The following KAZN variants were observed in gnomAD, a reference collection of about 807,000 sequenced individuals.
KAZN encodes the protein kazrin.
In KAZN, 40 loss-of-function variants were observed where a neutral mutation model predicts 87.4. The observed-to-expected ratio is 0.46, with a 90% CI of 0.36 to 0.60. The LOEUF (loss-of-function observed/expected upper bound fraction) is 0.60, where lower values mean the gene tolerates loss of function less well. Ranked by LOEUF, KAZN falls within the 20% of genes least tolerant of loss-of-function variation. The pLI, the probability that KAZN is intolerant of heterozygous loss-of-function variation, is 0.00. For synonymous variants in KAZN, 466 were observed against 458.3 expected, an observed-to-expected ratio of 1.02 and a Z score of -0.22; for missense variants, 898 against 1,073.9, an observed-to-expected ratio of 0.84 and a Z score of 2.29.
chr1:13,975,273 G>C (rs1638275946), intron 1 of KAZN, among the ~76,000 whole-genome samples: 1 of 152,192 alleles, frequency 6.6e-6, no homozygotes, highest in Non-Finnish European at 1.5e-5. Context: ...GGAGGCCTTT[G>C]ATTGTGAGGC....
intron 1 of KAZN, among the ~76,000 whole-genome samples, chr1:14,607,409 C>T (rs868424245): frequency 6.6e-6 from 1 of 152,198 alleles, no homozygotes; most frequent in African/African-American, 2.4e-5. Flanking sequence ...CCAGAGACTG[C>T]CTGGCGTCTC....
chr1:14,723,493 C>T (rs1024475098), intron 1 of KAZN, among the ~76,000 whole-genome samples: 3 of 152,136 alleles, frequency 2.0e-5, no homozygotes, highest in African/African-American at 7.2e-5. Context: ...GAGTTTAACA[C>T]GAGGGAGCAG....
intron 1 of KAZN, among the ~76,000 whole-genome samples, chr1:14,012,984 C>A (rs1640387366): frequency 6.6e-6 from 1 of 152,210 alleles, no homozygotes; most frequent in Non-Finnish European, 1.5e-5. Context: ...CTGATAGAGA[C>A]CAGCATCCCT....
chr1:14,257,959 T>TAAA (rs1168366132), intron 2 of KAZN, among the ~76,000 whole-genome samples: 2 of 28,736 alleles, frequency 7.0e-5, no homozygotes, highest in East Asian at 6.4e-4. Context: ...AAAAAAACAT[T>TAAA]AAAAAAAAAA....
At chr1:14,671,496 G>T (rs1254681096) in intron 1 of KAZN, among the ~76,000 whole-genome samples, 3 of 152,126 alleles carry the variant, frequency 2.0e-5, no homozygotes, top group Non-Finnish European at 2.9e-5. Context: ...ACATATTAAA[G>T]ACCTGCTTTG....
At chr1:14,737,359 G>T (rs1297467589) in intron 1 of KAZN, among the ~76,000 whole-genome samples, 1 of 152,098 alleles carries the variant, frequency 6.6e-6, no homozygotes, top group African/African-American at 2.4e-5. Flanking sequence ...ATCCATTCAG[G>T]GATCCTCCAC....
chr1:14,436,153 C>T (rs913555685), intron 2 of KAZN, among the ~76,000 whole-genome samples: 13 of 151,838 alleles, frequency 8.6e-5, no homozygotes, highest in African/African-American at 2.7e-4. Flanking sequence ...CGCTTGAACC[C>T]GGGAGGTGGA....
intron 1 of KAZN, among the ~76,000 whole-genome samples, chr1:14,737,800 T>C (rs562075236): frequency 6.6e-6 from 1 of 152,240 alleles, no homozygotes; most frequent in African/African-American, 2.4e-5. Context: ...TCTAAGTTCC[T>C]GGAGGCTGCC....
chr1:15,095,568 G>A (rs1640771296), intron 10 of KAZN, among the ~76,000 whole-genome samples: 1 of 151,888 alleles, frequency 6.6e-6, no homozygotes, highest in Non-Finnish European at 1.5e-5. Flanking sequence ...TTGTTGAGCA[G>A]GGGCAGCTAC....
intron 1 of KAZN, among the ~76,000 whole-genome samples, chr1:14,026,971 G>GA (rs1228634449): frequency 2.0e-5 from 3 of 152,040 alleles, no homozygotes; most frequent in Non-Finnish European, 2.9e-5. Context: ...GAGAGTAAGG[G>GA]AAGCCTGGTC....
chr1:15,045,947 A>G (rs1673441856), intron 4 of KAZN, among the ~76,000 whole-genome samples: 2 of 152,242 alleles, frequency 1.3e-5, no homozygotes, highest in Admixed American at 1.3e-4. Flanking sequence ...CTGGGGACCC[A>G]GAGCCAACCA....
intron 2 of KAZN, among the ~76,000 whole-genome samples, chr1:14,473,394 C>T (rs1344174522): frequency 3.3e-5 from 5 of 151,996 alleles, no homozygotes; most frequent in Non-Finnish European, 4.4e-5. Context: ...TTTGGGAGGC[C>T]GAGGTGGACA....
At chr1:14,981,906 T>C (rs1666284281) in intron 2 of KAZN, among the ~76,000 whole-genome samples, 1 of 152,176 alleles carries the variant, frequency 6.6e-6, no homozygotes, top group African/African-American at 2.4e-5. Flanking sequence ...GCCCCAGGTA[T>C]AGCGTGCCAT....
At chr1:14,850,304 A>T (rs772924269) in intron 1 of KAZN, among the ~76,000 whole-genome samples, 4 of 152,150 alleles carry the variant, frequency 2.6e-5, no homozygotes, top group Non-Finnish European at 5.9e-5. Flanking sequence ...GCTGGGGAAG[A>T]TGACTCATAA....
intron 2 of KAZN, among the ~76,000 whole-genome samples, chr1:14,329,789 C>T (rs189274217): frequency 2.0e-5 from 3 of 152,174 alleles, no homozygotes; most frequent in Non-Finnish European, 2.9e-5. Flanking sequence ...AAGATAAGCC[C>T]GAGCTGAGGT....
intron 2 of KAZN, among the ~76,000 whole-genome samples, chr1:14,232,695 A>G (rs1400045546): frequency 3.9e-5 from 6 of 152,188 alleles, no homozygotes; most frequent in Non-Finnish European, 7.3e-5. Flanking sequence ...ACTCTTGTGT[A>G]TGTCTGCTAG....
chr1:14,260,806 C>T (rs375753018), intron 2 of KAZN, among the ~76,000 whole-genome samples: 1 of 152,306 alleles, frequency 6.6e-6, no homozygotes. Flanking sequence ...GGTACTGTTA[C>T]TGCCCCATTT....
At chr1:14,836,733 G>A (rs1256043905) in intron 1 of KAZN, among the ~76,000 whole-genome samples, 4 of 152,068 alleles carry the variant, frequency 2.6e-5, no homozygotes, top group Non-Finnish European at 5.9e-5. Context: ...AATGGAGAGG[G>A]GGTGTCTCAG....
At chr1:14,033,154 C>G (rs1223960942) in intron 1 of KAZN, among the ~76,000 whole-genome samples, 2 of 152,140 alleles carry the variant, frequency 1.3e-5, no homozygotes, top group African/African-American at 4.8e-5. Flanking sequence ...ATGCAGCAGA[C>G]AAGAATCAAA....
Sources: allele counts gnomAD v4.1 joint callset (sites outside exome capture counted in the v4.1 genomes callset), GRCh38; gene constraint gnomAD v4.1.1; transcripts MANE v1.5; gene names NCBI Gene and HGNC (gene_info 2026-07-23, HGNC 2026-07-21).